The following TCF12 variants were observed in gnomAD, a reference collection of about 807,000 sequenced individuals.
The protein encoded by TCF12 is DNA-binding protein HTF4.
Under a neutral mutation model 86.0 loss-of-function variants are expected in TCF12, and 45 were observed. That is an observed-to-expected ratio of 0.52 (90% CI 0.41 to 0.67). The LOEUF is 0.67. Among genes scored for constraint, TCF12 ranks in the 30% least tolerant of loss-of-function variants. The probability of loss-of-function intolerance (pLI) is 0.00; values close to 1 mark genes in which losing one functional copy is unlikely to be tolerated. For synonymous variants in TCF12, 330 were observed against 299.6 expected (o/e 1.10, Z -1.05); for missense variants, 881 against 859.9 (o/e 1.02, Z -0.31).
intron 4 of TCF12, among the ~76,000 whole-genome samples, chr15:57,084,745 A>T (rs2048517556): frequency 6.6e-6 from 1 of 152,106 alleles, no homozygotes; most frequent in South Asian, 2.1e-4. Flanking sequence ...ACTAAAGAAT[A>T]TATAGAAGGC....
intron 3 of TCF12, among the ~76,000 whole-genome samples, chr15:56,980,983 C>T (rs546009411): frequency 6.6e-6 from 1 of 152,268 alleles, no homozygotes; most frequent in South Asian, 2.1e-4. Context: ...ATTAGGTAAT[C>T]ACTTTCATAG....
chr15:56,972,941 T>C (rs1038310615), intron 3 of TCF12, among the ~76,000 whole-genome samples: 11 of 152,166 alleles, frequency 7.2e-5, no homozygotes, highest in African/African-American at 2.7e-4. Flanking sequence ...TATTGAACTC[T>C]AGTTTTTAGG....
At chr15:57,086,727 G>T (rs1354078920) in intron 4 of TCF12, among the ~76,000 whole-genome samples, 2 of 129,814 alleles carry the variant, frequency 1.5e-5, no homozygotes, top group African/African-American at 5.9e-5. Flanking sequence ...AAAAAAAAAG[G>T]CCATTGAAAA....
At chr15:57,208,960 C>A (rs1413612711) in intron 8 of TCF12, among the ~76,000 whole-genome samples, 1 of 152,178 alleles carries the variant, frequency 6.6e-6, no homozygotes, top group Non-Finnish European at 1.5e-5. Flanking sequence ...AAGTGATCCT[C>A]CCATCTTGGC....
chr15:56,927,066 A>G (rs2060046557), intron 3 of TCF12, among the ~76,000 whole-genome samples: 1 of 152,170 alleles, frequency 6.6e-6, no homozygotes, highest in Admixed American at 6.5e-5. Context: ...GATTGTTAGA[A>G]TTTGAGGGAT....
chr15:57,103,649 A>G (rs1164248827), intron 5 of TCF12, among the ~76,000 whole-genome samples: 1 of 152,244 alleles, frequency 6.6e-6, no homozygotes. Context: ...GTATGCAAGA[A>G]TGTTTGCCCC....
At chr15:57,008,643 A>C (rs1414431950) in intron 3 of TCF12, among the ~76,000 whole-genome samples, 1 of 152,222 alleles carries the variant, frequency 6.6e-6, no homozygotes, top group Non-Finnish European at 1.5e-5. Flanking sequence ...CCAAGTATTC[A>C]TAATCCCAGG....
chr15:57,000,037 A>G (rs756092679), intron 3 of TCF12, among the ~76,000 whole-genome samples: 7 of 151,782 alleles, frequency 4.6e-5, no homozygotes, highest in Non-Finnish European at 1.0e-4. Flanking sequence ...AAACTTTCTC[A>G]TTTTTCTCTT....
At chr15:57,222,579 T>G (rs1362130330) in intron 8 of TCF12, among the ~76,000 whole-genome samples, 1 of 151,740 alleles carries the variant, frequency 6.6e-6, no homozygotes, top group African/African-American at 2.4e-5. Flanking sequence ...CCTTATACTG[T>G]TTTGAAATAT....
chr15:57,263,271 C>A lies in TCF12; in HGVS notation c.1742C>A (p.Thr581Lys). The A allele has an allele frequency of 6.2e-7, 1 of 1,606,690 alleles. No individual in the cohort carries two copies. Among genetic ancestry groups the A allele is most frequent in the Non-Finnish European group, 8.5e-7 (1 of 1,178,462 alleles). Residue 581 changes from threonine (T) to lysine (K), a missense_variant, in exon 18 of 21, where the codon ACA becomes AAA. Around this residue, in one of 3 missense-constraint regions of TCF12, gnomAD observed 766 missense variants for 718.9 expected, o/e 1.07. Transcript: ENST00000333725. ...ATCAAGGTTTCATCTAGAGGCAGAA[C>A]AAGGTATTTGTTAGCATCCAGGTTT... Reference protein sequence around the residue: ...KDIKVSSRGRTSSTNEDEDLN... With the variant: ...KDIKVSSRGRKSSTNEDEDLN...
At chr15:57,196,119 C>G (rs2057251894) in intron 7 of TCF12, among the ~76,000 whole-genome samples, 1 of 151,894 alleles carries the variant, frequency 6.6e-6, no homozygotes, top group African/African-American at 2.4e-5. Context: ...GAGGCCACCT[C>G]TACATCCATG....
chr15:57,116,490 C>T (rs1438454671), intron 5 of TCF12, among the ~76,000 whole-genome samples: 1 of 152,092 alleles, frequency 6.6e-6, no homozygotes, highest in Non-Finnish European at 1.5e-5. Flanking sequence ...GGACTACAGG[C>T]ACATGCCACC....
At chr15:57,034,159 C>G (rs1294706151) in intron 3 of TCF12, among the ~76,000 whole-genome samples, 1 of 152,098 alleles carries the variant, frequency 6.6e-6, no homozygotes, top group Non-Finnish European at 1.5e-5. Context: ...CTTGGATAAC[C>G]TAATTGATGT....
downstream of TCF12, among the ~76,000 whole-genome samples, chr15:57,290,415 A>G (rs1346935680): frequency 6.6e-6 from 1 of 151,852 alleles, no homozygotes; most frequent in East Asian, 1.9e-4. Flanking sequence ...CAGCTGTATC[A>G]GTTTGGGTTC....
At chr15:57,165,134 C>CTGTGTG (rs10651646) in intron 5 of TCF12, among the ~76,000 whole-genome samples, 3,390 of 147,140 alleles carry the variant, frequency 0.023, 53 homozygotes, top group South Asian at 0.058. Context: ...GAATGTATGT[C>CTGTGTG]TGTGTGTGTG....
intron 5 of TCF12, among the ~76,000 whole-genome samples, chr15:57,163,433 C>G (rs372532556): frequency 6.6e-6 from 1 of 152,140 alleles, no homozygotes; most frequent in East Asian, 1.9e-4. Context: ...ACCGTGGTAG[C>G]TCATACCTGT....
At chr15:57,251,247 A>G in intron 13 of TCF12, 103 bp from the exon 14 acceptor site, 5 of 934,484 alleles carry the variant, frequency 5.4e-6, no homozygotes, top group Non-Finnish European at 8.3e-6. Flanking sequence ...AAAAATATTC[A>G]TGTAAATTTA....
chr15:56,948,141 A>C (rs761469282), intron 3 of TCF12, among the ~76,000 whole-genome samples: 3 of 150,886 alleles, frequency 2.0e-5, no homozygotes, highest in African/African-American at 7.3e-5. Context: ...TTATTTTTTG[A>C]GATGGGATCT....
intron 6 of TCF12, among the ~76,000 whole-genome samples, chr15:57,169,039 C>G (rs2055110182): frequency 6.6e-6 from 1 of 152,092 alleles, no homozygotes; most frequent in Non-Finnish European, 1.5e-5. Flanking sequence ...GAGGGAGATT[C>G]TGTCTCAAAA....
Sources: allele counts gnomAD v4.1 joint callset (sites outside exome capture counted in the v4.1 genomes callset), GRCh38; gene constraint gnomAD v4.1.1; regional missense constraint gnomAD v4.1.1; transcripts MANE v1.5; gene names NCBI Gene and HGNC (gene_info 2026-07-23, HGNC 2026-07-21).